BPTF: variants seen among roughly 807,000 people sequenced by gnomAD.
BPTF encodes bromodomain PHD finger transcription factor, also known as nucleosome-remodeling factor subunit BPTF.
BPTF carries 18 observed loss-of-function variants against 292.5 expected under a neutral mutation model. The ratio of observed to expected loss-of-function variants is 0.06; its 90% CI spans 0.04 to 0.09. BPTF has a LOEUF of 0.09. Ranked by LOEUF, BPTF falls within the 10% of genes least tolerant of loss-of-function variation. BPTF has a pLI of 1.00. For missense variants in BPTF, 2,726 were observed against 3,498.7 expected, an observed-to-expected ratio of 0.78 and a Z score of 5.57; for synonymous variants, 1,225 against 1,251.9, an observed-to-expected ratio of 0.98 and a Z score of 0.45.
Position 67,873,290 on chromosome 17 carries a change from T to C in BPTF, c.1661-1527T>C, listed in dbSNP as rs187236150. Among the ~76,000 whole-genome samples the C allele has an allele frequency of 2.1e-3, 321 of 151,936 alleles. 3 individuals carry two copies. Among genetic ancestry groups the C allele is most frequent in the African/African-American group, 7.5e-3 (309 of 41,454 alleles). On this transcript the variant is annotated intron_variant, in intron 3 of 27. Coordinates refer to ENST00000306378, the MANE Select transcript of BPTF (RefSeq NM_182641.4). ...CGGGCCAACGTGGTGAAACCCCGTC[T>C]CTACTAAAAATACAAAAATTAGCCG...
At chr17:67,889,379 A>G (rs1356032880) in intron 4 of BPTF, among the ~76,000 whole-genome samples, 1 of 152,196 alleles carries the variant, frequency 6.6e-6, no homozygotes, top group African/African-American at 2.4e-5. Flanking sequence ...AGCTTTTTAA[A>G]AGCACTGTGT....
At chr17:67,920,463 G>C (rs1039365581) in intron 13 of BPTF, among the ~76,000 whole-genome samples, 1 of 152,158 alleles carries the variant, frequency 6.6e-6, no homozygotes, top group Admixed American at 6.5e-5. Context: ...TTGAAGTCAC[G>C]GCAGCTAGTA....
chr17:67,878,380 A>G (rs550093091), intron 4 of BPTF, among the ~76,000 whole-genome samples: 7 of 152,302 alleles, frequency 4.6e-5, no homozygotes, highest in South Asian at 2.1e-4. Flanking sequence ...GTGCACATAC[A>G]TGTGCATTTC....
chr17:67,926,049 G>A (rs1162559958), intron 15 of BPTF, among the ~76,000 whole-genome samples: 5 of 116,622 alleles, frequency 4.3e-5, no homozygotes, highest in Non-Finnish European at 8.2e-5. Context: ...CTCTTGCCCA[G>A]GCTGCTGGAG....
intron 24 of BPTF, 34 bp downstream of exon 24, chr17:67,959,909 C>A: frequency 7.0e-7 from 1 of 1,430,718 alleles, no homozygotes; most frequent in Non-Finnish European, 9.3e-7. Context: ...AGTTTTTTGT[C>A]TTGAAAGTTT....
intron 2 of BPTF, among the ~76,000 whole-genome samples, chr17:67,858,895 G>C (rs1285830351): frequency 1.3e-5 from 2 of 152,140 alleles, no homozygotes; most frequent in African/African-American, 4.8e-5. Context: ...CAGACCAAAG[G>C]TGTCTTGTCC....
intron 1 of BPTF, among the ~76,000 whole-genome samples, chr17:67,834,031 A>G (rs980429375): frequency 4.6e-5 from 7 of 152,084 alleles, no homozygotes; most frequent in Non-Finnish European, 1.0e-4. Flanking sequence ...GAATGGATCT[A>G]GTAATACTGA....
intron 9 of BPTF, among the ~76,000 whole-genome samples, chr17:67,908,847 T>G (rs866708855): frequency 1.6e-3 from 231 of 147,316 alleles, no homozygotes; most frequent in African/African-American, 5.4e-3. Context: ...TTTTTTTTTT[T>G]TTGTTGACAC....
rs1437056341 is a variant in BPTF, at chr17:67,922,865, C to T, written c.5583C>T (p.Gly1861=). ...PKETPTPQRK[G]LRSSALRPKR... The stretch of plus-strand genomic sequence containing the variant: ...AAACGCCTACACCTCAGAGGAAAGG[C>T]CTTCGATCAAGTGCACTGCGGCCAA... The change falls in exon 14 of 28, where the codon GGC becomes GGT. Residue 1861 remains glycine, a synonymous_variant. Transcript: ENST00000306378. 5.0e-6 allele frequency: 8 copies of T among 1,612,840 alleles called. No individual in the cohort carries two copies. The highest frequency in any genetic ancestry group is 1.1e-5 in the South Asian group (1 of 90,740).
intron 1 of BPTF, among the ~76,000 whole-genome samples, chr17:67,839,590 A>G (rs1008669809): frequency 1.3e-5 from 2 of 152,212 alleles, no homozygotes; most frequent in Non-Finnish European, 2.9e-5. Context: ...TGTACAGTGC[A>G]TAATGTATTT....
chr17:67,851,362 G>A (rs1185279493), intron 1 of BPTF, among the ~76,000 whole-genome samples: 1 of 151,806 alleles, frequency 6.6e-6, no homozygotes, highest in East Asian at 1.9e-4. Flanking sequence ...GCCTCAAGGG[G>A]CTCACACAAC....
chr17:67,941,023 A>C (rs1555671742), intron 19 of BPTF, among the ~76,000 whole-genome samples: 6 of 152,248 alleles, frequency 3.9e-5, no homozygotes, highest in African/African-American at 1.2e-4. Context: ...TCCCATCAAA[A>C]TCCCAAGAGG....
chr17:67,924,565 A>G lies in BPTF; in HGVS notation c.5727A>G (p.Ala1909=), dbSNP rs1210038708. 1 of 1,613,786 alleles carries G rather than the reference A, an allele frequency of 6.2e-7. No individual in the cohort carries two copies. The highest frequency in any genetic ancestry group is 8.5e-7 in the Non-Finnish European group (1 of 1,179,964). Residue 1909 remains alanine (A), a synonymous_variant, in exon 15 of 28, where the codon GCA becomes GCG. Transcript: ENST00000306378. ...CCTGCAGAGTGGAGAAAGAAAAGGC[A>G]CAAGCAGTTGAGCAACAGGCTAAGG... ...AFAERVEKEK[A]QAVEQQAKKR... is the part of the protein sequence containing the mutation.
At chr17:67,931,268 A>G (rs2064363404) in intron 17 of BPTF, among the ~76,000 whole-genome samples, 1 of 152,132 alleles carries the variant, frequency 6.6e-6, no homozygotes, top group Non-Finnish European at 1.5e-5. Context: ...CTGTCTCTAA[A>G]TAAATAAATA....
chr17:67,911,775 T>C lies in BPTF; in HGVS notation c.3891T>C (p.Ser1297=). ...STLENSSDTV[S]IQDSSEEDMI... is the part of the protein sequence containing the mutation. ...TGGAAAATAGTTCTGATACCGTGTCTATTCAGGATAGCAGTGAAGAAGATA... is the reference window on the plus strand; with the variant it reads ...TGGAAAATAGTTCTGATACCGTGTCCATTCAGGATAGCAGTGAAGAAGATA... The change falls in exon 11 of 28, where the codon TCT becomes TCC. Residue 1297 remains serine, a synonymous_variant. Coordinates refer to ENST00000306378, the MANE Select transcript of BPTF (RefSeq NM_182641.4). 1 of 1,614,242 alleles carries C rather than the reference T, an allele frequency of 6.2e-7. No individual in the cohort carries two copies. Among genetic ancestry groups the C allele is most frequent in the East Asian group, 2.2e-5 (1 of 44,882 alleles).
Position 67,909,676 on chromosome 17 carries a change from A to G in BPTF, c.2907A>G (p.Lys969=), listed in dbSNP as rs778875705. 3 of 1,605,304 alleles carry G rather than the reference A, an allele frequency of 1.9e-6. 1 individual carries two copies. The South Asian group carries it at 3.4e-5, about 18-fold the overall frequency. Residue 969 remains lysine, a synonymous_variant, in exon 10 of 28, where the codon AAA becomes AAG. Coordinates refer to ENST00000306378, the MANE Select transcript of BPTF (RefSeq NM_182641.4). ...TAAAAATAGAGCCTGATTCTGAAAA[A>G]GATGAGGTAAAAGGTTCAGATGCTG... is the stretch of plus-strand genomic sequence containing the variant. ...KKIKIEPDSE[K]DEVKGSDAAK...
Position 67,854,340 on chromosome 17 carries a change from G to A in BPTF, c.1014G>A (p.Lys338=). The A allele has an allele frequency of 1.2e-6, 2 of 1,614,190 alleles. No individual in the cohort carries two copies. Among genetic ancestry groups the A allele is most frequent in the Non-Finnish European group, 1.7e-6 (2 of 1,180,038 alleles). Residue 338 remains lysine, a synonymous_variant, in exon 2 of 28, where the codon AAG becomes AAA. Transcript: ENST00000306378. The surrounding 1 kb of genome is among the most constrained non-coding windows in gnomAD (Gnocchi z 5.6). ...EVLRVYCESD[K]EYHHVLPYQE... is the part of the protein sequence containing the mutation. ...TGCGGGTGTACTGTGAGAGTGATAA[G>A]GAGTACCATCACGTTCTTCCTTACC...
At chr17:67,900,546 A>G (rs1399997578) in intron 7 of BPTF, among the ~76,000 whole-genome samples, 1 of 150,972 alleles carries the variant, frequency 6.6e-6, no homozygotes, top group African/African-American at 2.4e-5. Context: ...CCTGGGCAAC[A>G]TAGGGAGACC....
chr17:67,853,315 T>A (rs570642904), intron 1 of BPTF, among the ~76,000 whole-genome samples: 1 of 152,318 alleles, frequency 6.6e-6, no homozygotes, highest in African/African-American at 2.4e-5. Context: ...GCCACTTTTC[T>A]TTTCCCCCAG....
Sources: gnomAD v4.1 joint callset for allele counts (sites outside exome capture counted in the v4.1 genomes callset) on GRCh38, gnomAD v4.1.1 for gene constraint, Gnocchi (gnomAD v3.1) non-coding constraint, MANE v1.5 for transcripts, NCBI Gene and HGNC (gene_info 2026-07-23, HGNC 2026-07-21) for gene names.